The following CDC73 variants were observed in gnomAD, a reference collection of about 807,000 sequenced individuals.
CDC73 encodes parafibromin.
CDC73 carries 21 observed loss-of-function variants against 83.7 expected under a neutral mutation model. The observed-to-expected ratio is 0.25, with a 90% CI of 0.18 to 0.36. CDC73 has a LOEUF of 0.36. Ranked by LOEUF, CDC73 falls within the 10% of genes least tolerant of loss-of-function variation. The pLI, the probability that CDC73 is intolerant of heterozygous loss-of-function variation, is 1.00. For missense variants in CDC73, 342 were observed against 653.3 expected, an observed-to-expected ratio of 0.52 and a Z score of 5.19; for synonymous variants, 224 against 212.9, an observed-to-expected ratio of 1.05 and a Z score of -0.45.
At chr1:193,156,056 A>T (rs1676202006) in intron 10 of CDC73, among the ~76,000 whole-genome samples, 1 of 152,198 alleles carries the variant, frequency 6.6e-6, no homozygotes, top group Non-Finnish European at 1.5e-5. Context: ...TCATTTTGTG[A>T]TAGGGTCATA....
At chr1:193,214,238 A>G (rs1677324007) in intron 13 of CDC73, among the ~76,000 whole-genome samples, 1 of 152,164 alleles carries the variant, frequency 6.6e-6, no homozygotes, top group African/African-American at 2.4e-5. Flanking sequence ...CTAGCTCAGC[A>G]TTTCAGGTAT....
intron 14 of CDC73, among the ~76,000 whole-genome samples, 198 bp downstream of exon 14, chr1:193,233,352 CACCTGGCAGCCTATATTTTTTAAAT>C (rs775872243): frequency 7.8e-4 from 119 of 152,324 alleles, no homozygotes; most frequent in South Asian, 3.9e-3. Context: ...CATGCCACTG[CACCTGGCAGCCTATATTTTTTAAAT>C]ATTCGTTTGT....
chr1:193,166,363 C>T (rs975511606), intron 10 of CDC73, among the ~76,000 whole-genome samples: 20 of 152,052 alleles, frequency 1.3e-4, no homozygotes, highest in African/African-American at 4.8e-4. Flanking sequence ...CTGTGTTGCC[C>T]GGGCTGGTCT....
chr1:193,127,607 C>A (rs1675601707), intron 2 of CDC73, among the ~76,000 whole-genome samples: 1 of 152,012 alleles, frequency 6.6e-6, no homozygotes, highest in African/African-American at 2.4e-5. Context: ...TTTATAGATT[C>A]TGTTTTTGGG....
At chr1:193,149,684 A>G (rs547259283) in intron 8 of CDC73, among the ~76,000 whole-genome samples, 1 of 152,330 alleles carries the variant, frequency 6.6e-6, no homozygotes, top group African/African-American at 2.4e-5. Context: ...ATAGAATCCT[A>G]TCATAATAAA....
chr1:193,135,659 A>T, intron 5 of CDC73, 70 bp downstream of exon 5: 1 of 1,256,718 alleles, frequency 8.0e-7, no homozygotes, highest in Admixed American at 2.0e-5. Context: ...AGTAACAAGG[A>T]TTCTTTGATT....
At chr1:193,122,569 G>A (rs1675474296) in intron 1 of CDC73, 1 of 500,426 alleles carries the variant, frequency 2.0e-6, no homozygotes, top group East Asian at 3.5e-5. Flanking sequence ...AAGGTACCGT[G>A]GGAGTTTCTG....
At chr1:193,159,223 G>A (rs1367015510) in intron 10 of CDC73, among the ~76,000 whole-genome samples, 2 of 152,090 alleles carry the variant, frequency 1.3e-5, no homozygotes, top group African/African-American at 2.4e-5. Context: ...TGATTTGTTG[G>A]CCTGTTTGTT....
intron 11 of CDC73, among the ~76,000 whole-genome samples, chr1:193,206,450 G>A (rs1677190733): frequency 6.6e-6 from 1 of 152,166 alleles, no homozygotes; most frequent in African/African-American, 2.4e-5. Flanking sequence ...AGACTTGATT[G>A]GAATGGATAG....
chr1:193,195,061 G>A (rs995781509), intron 10 of CDC73, among the ~76,000 whole-genome samples: 10 of 152,086 alleles, frequency 6.6e-5, no homozygotes, highest in African/African-American at 2.4e-4. Flanking sequence ...ACTCACACAG[G>A]TATGGAGTCT....
intron 10 of CDC73, among the ~76,000 whole-genome samples, chr1:193,153,563 G>A (rs184821093): frequency 2.3e-4 from 35 of 152,122 alleles, no homozygotes; most frequent in African/African-American, 8.0e-4. Context: ...ATCTACGTGG[G>A]CTTTTACGTG....
At chr1:193,174,732 G>A (rs1317793095) in intron 10 of CDC73, among the ~76,000 whole-genome samples, 1 of 152,012 alleles carries the variant, frequency 6.6e-6, no homozygotes, top group South Asian at 2.1e-4. Flanking sequence ...AGTGTTCTAG[G>A]CATCATCCTT....
chr1:193,143,762 C>G (rs1321760130), intron 7 of CDC73, among the ~76,000 whole-genome samples: 1 of 151,974 alleles, frequency 6.6e-6, no homozygotes, highest in Non-Finnish European at 1.5e-5. Context: ...TTCATTATTA[C>G]TAGTTATCAG....
chr1:193,203,762 T>A, intron 10 of CDC73, 33 bp from the exon 11 acceptor site: 1 of 1,525,914 alleles, frequency 6.6e-7, no homozygotes, highest in Non-Finnish European at 9.1e-7. Flanking sequence ...AAAGAAACTT[T>A]GATCTTATAT....
At chr1:193,162,666 G>T (rs537431952) in intron 10 of CDC73, among the ~76,000 whole-genome samples, 5 of 152,042 alleles carry the variant, frequency 3.3e-5, no homozygotes, top group Admixed American at 6.6e-5. Flanking sequence ...ACCACACCCC[G>T]CCAGTTTAAC....
intron 7 of CDC73, among the ~76,000 whole-genome samples, chr1:193,147,413 G>C (rs1474851021): frequency 6.6e-6 from 1 of 150,478 alleles, no homozygotes; most frequent in African/African-American, 2.5e-5. Flanking sequence ...TATTGCCCAG[G>C]CTGGAGTGCA....
intron 13 of CDC73, among the ~76,000 whole-genome samples, chr1:193,227,390 G>C (rs896188433): frequency 6.6e-6 from 1 of 151,898 alleles, no homozygotes; most frequent in African/African-American, 2.4e-5. Flanking sequence ...TCAGCACTTT[G>C]GGAGGCTGAG....
chr1:193,237,529 C>A (rs1483937348), intron 15 of CDC73, among the ~76,000 whole-genome samples: 1 of 152,048 alleles, frequency 6.6e-6, no homozygotes, highest in Non-Finnish European at 1.5e-5. Context: ...AGAAATTGAT[C>A]TAGATAAGTT....
chr1:193,192,789 A>G (rs906041077), intron 10 of CDC73, among the ~76,000 whole-genome samples: 2 of 152,238 alleles, frequency 1.3e-5, no homozygotes, highest in Non-Finnish European at 2.9e-5. Flanking sequence ...TTAATGACAA[A>G]GGCATTGAGT....
Sources: allele counts gnomAD v4.1 joint callset (sites outside exome capture counted in the v4.1 genomes callset), GRCh38; gene constraint gnomAD v4.1.1; transcripts MANE v1.5; gene names NCBI Gene and HGNC (gene_info 2026-07-23, HGNC 2026-07-21).